STAM: variants seen among roughly 807,000 people sequenced by gnomAD.
STAM encodes signal transducing adaptor molecule.
STAM carries 16 observed loss-of-function variants against 63.4 expected under a neutral mutation model. The ratio of observed to expected loss-of-function variants is 0.25; its 90% CI spans 0.17 to 0.38. The LOEUF (loss-of-function observed/expected upper bound fraction) is 0.38. Ranked by LOEUF, STAM falls within the 10% of genes least tolerant of loss-of-function variation. The pLI is 1.00. For missense variants in STAM, 636 were observed against 657.1 expected, an observed-to-expected ratio of 0.97 and a Z score of 0.35; for synonymous variants, 238 against 223.9, an observed-to-expected ratio of 1.06 and a Z score of -0.56.
intron 1 of STAM, among the ~76,000 whole-genome samples, chr10:17,659,485 T>TTTTTTA (rs1437638833): frequency 6.8e-6 from 1 of 147,306 alleles, no homozygotes; most frequent in African/African-American, 2.5e-5. Flanking sequence ...TTTTTTTTTT[T>TTTTTTA]AAAGAGATAG....
At chr10:17,669,858 C>T (rs1394625973) in intron 2 of STAM, among the ~76,000 whole-genome samples, 3 of 150,374 alleles carry the variant, frequency 2.0e-5, no homozygotes, top group African/African-American at 7.3e-5. Context: ...CCCCTATGCC[C>T]TATGCCCGGC....
chr10:17,695,275 A>C (rs782767745), intron 7 of STAM, 34 bp downstream of exon 7: 3 of 1,584,410 alleles, frequency 1.9e-6, no homozygotes, highest in Non-Finnish European at 2.6e-6. Context: ...ATTTGTATGA[A>C]AGTGTGTATG....
At position 17,660,561 on chromosome 10, in the gene STAM, C is replaced by T. The variant is rs375062849; in HGVS notation, c.125+13C>T. The T allele has an allele frequency of 4.5e-6, 7 of 1,564,424 alleles. No homozygotes were observed. Among genetic ancestry groups the T allele is most frequent in the East Asian group, 2.3e-5 (1 of 42,554 alleles). ...AGTCTCGCACTGGGTAAGTATTTAG[C>T]GTTTCAAAGGATTTTTATTCTTTCT... On this transcript the variant is annotated intron_variant, in intron 2 of 13. Transcript: ENST00000377524.
chr10:17,707,416 T>A (rs902981357), intron 12 of STAM, among the ~76,000 whole-genome samples: 8 of 150,012 alleles, frequency 5.3e-5, no homozygotes, highest in South Asian at 2.1e-4. Flanking sequence ...CCTCAAAAAA[T>A]AATAATAATA....
In STAM at chr10:17,714,882, A is replaced by T. The variant is rs1836742650; in HGVS notation, c.*102A>T. 23 of 1,143,342 alleles carry T rather than the reference A, an allele frequency of 2.0e-5. No homozygotes were observed. The South Asian group carries it at 2.9e-4, about 14-fold the overall frequency. 70.8% of individuals were successfully genotyped at this position (1,143,342 alleles called of 1,614,324 possible). A position where few individuals can be genotyped will look rare whatever the true frequency, so the allele number is the denominator to read the frequency against. On this transcript the variant is annotated 3_prime_UTR_variant, in exon 14 of 14. Coordinates refer to ENST00000377524, the MANE Select transcript of STAM (RefSeq NM_003473.4). ...ATGTGTTTATCCTCAGCTTATAGGA[A>T]TCTCTCCAGGTCAACAGGTTCAAAT...
chr10:17,649,376 G>A (rs901434674), intron 1 of STAM, among the ~76,000 whole-genome samples: 21 of 147,190 alleles, frequency 1.4e-4, no homozygotes, highest in Non-Finnish European at 2.7e-4. Flanking sequence ...CTGGGCAAGA[G>A]AGTGAGACCC....
At position 17,674,870 on chromosome 10, in the gene STAM, A is replaced by G. The variant is rs531037770; in HGVS notation, c.126-9805A>G. The stretch of plus-strand genomic sequence containing the variant: ...TAACAAAACAATGAAAAATACCATT[A>G]GGAAAAAATAATTCTAATAAACAAA... On this transcript the variant is annotated intron_variant, in intron 2 of 13. Coordinates refer to ENST00000377524, the MANE Select transcript of STAM (RefSeq NM_003473.4). 5.3e-3 allele frequency among the ~76,000 whole-genome samples: 801 copies of G among 152,344 alleles called. 13 individuals carry two copies. Among genetic ancestry groups the G allele is most frequent in the African/African-American group, 0.019 (777 of 41,580 alleles).
intron 13 of STAM, among the ~76,000 whole-genome samples, chr10:17,711,019 C>T (rs782125060): frequency 7.9e-5 from 12 of 152,040 alleles, no homozygotes; most frequent in Non-Finnish European, 1.5e-4. Context: ...TTGGAAGGAG[C>T]GAGGGCCAGG....
At position 17,715,388 on chromosome 10, in the gene STAM, G is replaced by GATAT. The variant is rs72446968; in HGVS notation, c.*619_*622dup. ...CCTTTTACTAATTGTGAGCTAAAGA[G>GATAT]ATATATATATATATGTGTGTGTATA... is the stretch of plus-strand genomic sequence containing the variant. On this transcript the variant is annotated 3_prime_UTR_variant, in exon 14 of 14. Coordinates refer to ENST00000377524, the MANE Select transcript of STAM (RefSeq NM_003473.4). The GATAT allele has an allele frequency of 9.0e-5, 14 of 156,024 alleles. No homozygotes were observed. The highest frequency in any genetic ancestry group is 2.7e-4 in the African/African-American group (11 of 41,092). 9.7% of individuals were successfully genotyped at this position (156,024 alleles called of 1,614,324 possible).
Position 17,688,167 on chromosome 10 carries a change from C to T in STAM, c.438C>T (p.Gly146=), listed in dbSNP as rs1243893415. ...KEQGVTFPAI[G]SQAAEQAKAS... ...AAGGAGTTACGTTCCCAGCTATTGG[C>T]TCTCAGGTATTTTGGGAATGAAGTT... The change falls in exon 5 of 14, where the codon GGC becomes GGT. Residue 146 remains glycine (G), a synonymous_variant. Coordinates refer to ENST00000377524, the MANE Select transcript of STAM (RefSeq NM_003473.4). 5 of 1,553,442 alleles carry T rather than the reference C, an allele frequency of 3.2e-6. No individual in the cohort carries two copies. Among genetic ancestry groups the T allele is most frequent in the Non-Finnish European group, 4.3e-6 (5 of 1,150,428 alleles).
At position 17,694,933 on chromosome 10, in the gene STAM, A is replaced by C. The variant is rs1182223983; in HGVS notation, c.536-116A>C. On this transcript the variant is annotated intron_variant, in intron 6 of 13. Transcript: ENST00000377524. ...TGTTCAATGTATCAGGATATGTTCTAGTTTCTAACTATACTATTGAAGGAA... is the reference window on the plus strand; with the variant it reads ...TGTTCAATGTATCAGGATATGTTCTCGTTTCTAACTATACTATTGAAGGAA... 5.6e-6 allele frequency: 5 copies of C among 887,790 alleles called. No individual in the cohort carries two copies. In the Admixed American group the frequency reaches 1.5e-4, roughly 26 times the overall value. 55.0% of individuals were successfully genotyped at this position (887,790 alleles called of 1,614,324 possible). A position where few individuals can be genotyped will look rare whatever the true frequency, so the allele number is the denominator to read the frequency against.
rs145588348 is a variant in STAM, at chr10:17,684,306, G to A, written c.126-369G>A. On this transcript the variant is annotated intron_variant, in intron 2 of 13. Transcript: ENST00000377524. ...TCATGTCTTTAAAAAGTTAACCTCAGTGTGGAAAATCTGTTTTTCCAGTTT... is the reference window on the plus strand; with the variant it reads ...TCATGTCTTTAAAAAGTTAACCTCAATGTGGAAAATCTGTTTTTCCAGTTT... Among the ~76,000 whole-genome samples, 693 of 152,264 alleles carry A rather than the reference G, an allele frequency of 4.6e-3. 6 individuals are homozygous for A. Among genetic ancestry groups the A allele is most frequent in the African/African-American group, 0.016 (670 of 41,548 alleles).
intron 2 of STAM, among the ~76,000 whole-genome samples, chr10:17,664,409 A>C (rs1834295501): frequency 6.6e-6 from 1 of 152,106 alleles, no homozygotes; most frequent in Admixed American, 6.5e-5. Flanking sequence ...GTGCCCATTA[A>C]ACAATAACTC....
At chr10:17,714,398 T>C in intron 13 of STAM, 145 bp from the exon 14 acceptor site, 2 of 757,440 alleles carry the variant, frequency 2.6e-6, no homozygotes, top group South Asian at 3.4e-5. Flanking sequence ...AAAATAACAA[T>C]GTTTGGCACA....
At chr10:17,655,610 T>G (rs1833907065) in intron 1 of STAM, among the ~76,000 whole-genome samples, 1 of 152,232 alleles carries the variant, frequency 6.6e-6, no homozygotes, top group Non-Finnish European at 1.5e-5. Context: ...GACGTACTTC[T>G]GCTCTCAGTA....
chr10:17,697,800 A>T (rs946816854), intron 8 of STAM, among the ~76,000 whole-genome samples: 1 of 152,138 alleles, frequency 6.6e-6, no homozygotes, highest in African/African-American at 2.4e-5. Context: ...TAAAGAGCTT[A>T]TATGTATAGG....
chr10:17,679,579 G>T (rs984914012), intron 2 of STAM, among the ~76,000 whole-genome samples: 10 of 143,166 alleles, frequency 7.0e-5, no homozygotes, highest in Admixed American at 2.1e-4. Context: ...ATTTGCGTGT[G>T]TTTTTTTTTT....
intron 6 of STAM, among the ~76,000 whole-genome samples, chr10:17,693,605 C>T (rs1361723696): frequency 1.3e-5 from 2 of 152,134 alleles, no homozygotes; most frequent in Admixed American, 1.3e-4. Context: ...TGCCATTTGC[C>T]ACTTGCTTTT....
At chr10:17,649,385 CCT>C (rs1289768948) in intron 1 of STAM, among the ~76,000 whole-genome samples, 1 of 134,706 alleles carries the variant, frequency 7.4e-6, no homozygotes, top group Non-Finnish European at 1.6e-5. Flanking sequence ...AGAGTGAGAC[CCT>C]GTCTTTAAAA....
Sources: gnomAD v4.1 joint callset for allele counts (sites outside exome capture counted in the v4.1 genomes callset) on GRCh38, gnomAD v4.1.1 for gene constraint, MANE v1.5 for transcripts, NCBI Gene and HGNC (gene_info 2026-07-23, HGNC 2026-07-21) for gene names.